The following CHST11 variants were observed in gnomAD, a reference collection of about 807,000 sequenced individuals.
The protein encoded by CHST11 is C4S-1.
A neutral mutation model predicts 30.4 loss-of-function variants in CHST11; 9 were observed. The ratio of observed to expected loss-of-function variants is 0.30; its 90% confidence interval spans 0.18 to 0.52. The LOEUF is 0.52. Ranked by LOEUF, CHST11 falls within the 20% of genes least tolerant of loss-of-function variation. CHST11 has a pLI of 0.97. For missense variants in CHST11, 348 were observed against 460.6 expected (o/e 0.76, Z 2.24); for synonymous variants, 152 against 187.8 (o/e 0.81, Z 1.56).
In CHST11 at chr12:104,500,874, C is replaced by T. The variant is rs1043003892; in HGVS notation, c.118+43345C>T. On this transcript the variant is annotated intron_variant, in intron 1 of 2. Transcript: ENST00000303694. ...GTAGGTTGGCAAGTAAGTCTGGTGA[C>T]GTTAGGGAGTAAACTGGGAGGAAGT... 2.0e-5 allele frequency among the ~76,000 whole-genome samples: 3 copies of T among 152,106 alleles called. No homozygotes were observed. The South Asian group carries it at 6.2e-4, about 32-fold the overall frequency.
chr12:104,499,764 G>T (rs1014348460), intron 1 of CHST11, among the ~76,000 whole-genome samples: 2 of 152,096 alleles, frequency 1.3e-5, no homozygotes, highest in Non-Finnish European at 2.9e-5. Flanking sequence ...GGCTGCCTCC[G>T]GTCCTCAGTG....
chr12:104,613,665 C>A (rs1045163376), intron 2 of CHST11, among the ~76,000 whole-genome samples: 5 of 152,206 alleles, frequency 3.3e-5, no homozygotes, highest in Admixed American at 6.5e-5. Flanking sequence ...GAGGCCTCCC[C>A]AGCCATGCTT....
At chr12:104,701,807 G>T (rs2039992492) in intron 2 of CHST11, among the ~76,000 whole-genome samples, 1 of 152,204 alleles carries the variant, frequency 6.6e-6, no homozygotes, top group African/African-American at 2.4e-5. Flanking sequence ...ATTCAGGTGG[G>T]ACTGAGCAGG....
At chr12:104,732,482 T>A (rs1171953975) in intron 2 of CHST11, among the ~76,000 whole-genome samples, 2 of 152,242 alleles carry the variant, frequency 1.3e-5, no homozygotes, top group African/African-American at 2.4e-5. Context: ...AAAATTCACC[T>A]TTCATCACAT....
At chr12:104,578,642 C>T (rs2038708766) in intron 1 of CHST11, among the ~76,000 whole-genome samples, 1 of 152,176 alleles carries the variant, frequency 6.6e-6, no homozygotes, top group African/African-American at 2.4e-5. Flanking sequence ...TAAGTCCTGT[C>T]TGATACTATT....
At chr12:104,581,206 G>T (rs1434755030) in intron 1 of CHST11, among the ~76,000 whole-genome samples, 4 of 152,182 alleles carry the variant, frequency 2.6e-5, no homozygotes, top group African/African-American at 9.7e-5. Context: ...TCCCAAGGGT[G>T]TTGGCCTTCA....
chr12:104,459,359 C>T (rs890920756), intron 1 of CHST11, among the ~76,000 whole-genome samples: 18 of 152,086 alleles, frequency 1.2e-4, no homozygotes, highest in African/African-American at 4.3e-4. Context: ...CACTCGGGTT[C>T]AAACAGTTTA....
At chr12:104,753,894 C>T (rs2040454376) in intron 2 of CHST11, among the ~76,000 whole-genome samples, 1 of 152,108 alleles carries the variant, frequency 6.6e-6, no homozygotes, top group Non-Finnish European at 1.5e-5. Context: ...CCTAACAAGG[C>T]ATCGGAGTGA....
intron 1 of CHST11, among the ~76,000 whole-genome samples, chr12:104,459,835 T>G (rs1171257304): frequency 6.6e-6 from 1 of 152,242 alleles, no homozygotes; most frequent in African/African-American, 2.4e-5. Flanking sequence ...AATATACTTT[T>G]CTGATATTTC....
chr12:104,684,910 A>G (rs2039832371), intron 2 of CHST11, among the ~76,000 whole-genome samples: 1 of 152,230 alleles, frequency 6.6e-6, no homozygotes, highest in South Asian at 2.1e-4. Flanking sequence ...TTTTCTATGC[A>G]ACCTCTTCCC....
chr12:104,458,690 C>T lies in CHST11; in HGVS notation c.118+1161C>T, dbSNP rs1209806073. On this transcript the variant is annotated intron_variant, in intron 1 of 2. Transcript: ENST00000303694. The surrounding 1 kb of genome is among the most constrained non-coding windows in gnomAD (Gnocchi z 5.7). ...CCACGTTGGCTCAGAAATCCATTTT[C>T]TACGCCTCCGAGTTGCCTTTCTCAG... 6.6e-6 allele frequency among the ~76,000 whole-genome samples: 1 copy of T among 152,248 alleles called. No individual in the cohort carries two copies. The highest frequency in any genetic ancestry group is 1.9e-4 in the East Asian group (1 of 5,200).
intron 2 of CHST11, among the ~76,000 whole-genome samples, chr12:104,756,417 C>T (rs1002803): frequency 0.73 from 111,143 of 152,144 alleles, 41,139 homozygotes; most frequent in African/African-American, 0.85. Flanking sequence ...TTGCCCTCTA[C>T]TGAGGCTGAC....
chr12:104,744,798 AT>A (rs2040376204), intron 2 of CHST11, among the ~76,000 whole-genome samples: 1 of 152,036 alleles, frequency 6.6e-6, no homozygotes, highest in Non-Finnish European at 1.5e-5. Flanking sequence ...TAAGGAAGGG[AT>A]TCAGTTTTAA....
chr12:104,489,500 G>T (rs1229959548), intron 1 of CHST11, among the ~76,000 whole-genome samples: 3 of 151,918 alleles, frequency 2.0e-5, no homozygotes, highest in South Asian at 4.2e-4. Context: ...TTATTTTTGA[G>T]ATGGAGTCTC....
chr12:104,664,701 C>A (rs999522418), intron 2 of CHST11, among the ~76,000 whole-genome samples: 2 of 152,274 alleles, frequency 1.3e-5, no homozygotes, highest in Admixed American at 1.3e-4. Context: ...GGGGTTATTT[C>A]TTTTTATGGT....
At chr12:104,708,878 G>A (rs1025745503) in intron 2 of CHST11, among the ~76,000 whole-genome samples, 9 of 152,158 alleles carry the variant, frequency 5.9e-5, no homozygotes, top group African/African-American at 1.9e-4. Flanking sequence ...AGTGAGCATC[G>A]GTTGAAAAGT....
At chr12:104,612,707 A>G (rs979619655) in intron 2 of CHST11, among the ~76,000 whole-genome samples, 2 of 152,210 alleles carry the variant, frequency 1.3e-5, no homozygotes, top group Admixed American at 1.3e-4. Flanking sequence ...TGGCAGGGAC[A>G]TGGAGAAGAG....
At chr12:104,643,476 C>T (rs1051309603) in intron 2 of CHST11, among the ~76,000 whole-genome samples, 3 of 152,202 alleles carry the variant, frequency 2.0e-5, no homozygotes, top group African/African-American at 7.2e-5. Context: ...AAGTCTTTCC[C>T]TCTGTACCAT....
chr12:104,726,215 G>A (rs1566055523), intron 2 of CHST11, among the ~76,000 whole-genome samples: 1 of 152,154 alleles, frequency 6.6e-6, no homozygotes, highest in Non-Finnish European at 1.5e-5. Context: ...TTAATTCTTT[G>A]CTTTAGGCCT....
Sources: allele counts gnomAD v4.1 joint callset (sites outside exome capture counted in the v4.1 genomes callset), GRCh38; gene constraint gnomAD v4.1.1; non-coding constraint Gnocchi (gnomAD v3.1); transcripts MANE v1.5; gene names NCBI Gene and HGNC (gene_info 2026-07-23, HGNC 2026-07-21).